The following GRIN2A variants were observed in gnomAD, a reference collection of about 807,000 sequenced individuals.
The protein encoded by GRIN2A is glutamate receptor ionotropic, NMDA 2A.
Under a neutral mutation model 113.4 loss-of-function variants are expected in GRIN2A, and 22 were observed. The ratio of observed to expected loss-of-function variants is 0.19; its 90% confidence interval spans 0.14 to 0.28. The LOEUF (loss-of-function observed/expected upper bound fraction) is 0.28, where lower values mean the gene tolerates loss of function less well. Ranked by LOEUF, GRIN2A falls within the 10% of genes least tolerant of loss-of-function variation. The pLI is 1.00. For synonymous variants in GRIN2A, 827 were observed against 738.4 expected, an observed-to-expected ratio of 1.12 and a Z score of -1.94; for missense variants, 1,502 against 1,887.0, an observed-to-expected ratio of 0.80 and a Z score of 3.78.
intron 11 of GRIN2A, among the ~76,000 whole-genome samples, chr16:9,788,811 C>T (rs1210799206): frequency 2.0e-5 from 3 of 149,328 alleles, no homozygotes; most frequent in African/African-American, 4.9e-5. Context: ...GGCGCGAACT[C>T]GACTCACTGC....
chr16:9,971,408 T>C (rs2045666909), intron 2 of GRIN2A, among the ~76,000 whole-genome samples: 1 of 152,232 alleles, frequency 6.6e-6, no homozygotes, highest in Non-Finnish European at 1.5e-5. Context: ...AGCCATGTCA[T>C]GAGCCATCTC....
chr16:9,795,217 G>A (rs1161045110), intron 11 of GRIN2A, among the ~76,000 whole-genome samples: 1 of 152,136 alleles, frequency 6.6e-6, no homozygotes, highest in African/African-American at 2.4e-5. Context: ...AGATCATAAA[G>A]ACCATGCTGA....
chr16:9,773,674 C>T (rs1901423409), intron 11 of GRIN2A, among the ~76,000 whole-genome samples: 1 of 152,200 alleles, frequency 6.6e-6, no homozygotes, highest in Non-Finnish European at 1.5e-5. Context: ...GTTTCCACCT[C>T]CTCCAGTGAC....
At chr16:9,850,598 A>G in intron 4 of GRIN2A, among the ~76,000 whole-genome samples, 1 of 152,164 alleles carries the variant, frequency 6.6e-6, no homozygotes, top group East Asian at 1.9e-4. Context: ...AGTGAAAAGA[A>G]GAGGAGTGGG....
At chr16:9,966,524 T>C (rs766762077) in intron 2 of GRIN2A, among the ~76,000 whole-genome samples, 1 of 152,220 alleles carries the variant, frequency 6.6e-6, no homozygotes, top group Non-Finnish European at 1.5e-5. Flanking sequence ...CTATCACTGA[T>C]GGGCAAATAT....
At chr16:9,930,072 G>C (rs2044553850) in intron 3 of GRIN2A, among the ~76,000 whole-genome samples, 1 of 152,138 alleles carries the variant, frequency 6.6e-6, no homozygotes, top group Non-Finnish European at 1.5e-5. Context: ...CTGTGTTCCA[G>C]GAGAGATGCC....
intron 2 of GRIN2A, among the ~76,000 whole-genome samples, chr16:10,075,987 C>G (rs1055116777): frequency 6.6e-6 from 1 of 152,186 alleles, no homozygotes; most frequent in Non-Finnish European, 1.5e-5. Context: ...ATCCAAACCA[C>G]TCCCTTTTTC....
intron 2 of GRIN2A, among the ~76,000 whole-genome samples, chr16:10,068,274 C>T (rs945049280): frequency 1.3e-5 from 2 of 152,190 alleles, no homozygotes; most frequent in African/African-American, 4.8e-5. Context: ...TCTTGCATTG[C>T]TATAAAGAAA....
intron 11 of GRIN2A, among the ~76,000 whole-genome samples, chr16:9,772,873 C>T (rs907025442): frequency 1.6e-5 from 2 of 123,684 alleles, no homozygotes; most frequent in Non-Finnish European, 1.6e-5. Context: ...TTTGCCCAAA[C>T]AATACCTCTT....
chr16:10,137,326 G>A (rs2142240636), intron 2 of GRIN2A, among the ~76,000 whole-genome samples: 1 of 152,322 alleles, frequency 6.6e-6, no homozygotes, highest in Non-Finnish European at 1.5e-5. Context: ...TTGCTTAAAT[G>A]AGGAGGCTGG....
chr16:9,974,016 G>A (rs2045727273), intron 2 of GRIN2A, among the ~76,000 whole-genome samples: 1 of 152,144 alleles, frequency 6.6e-6, no homozygotes, highest in Non-Finnish European at 1.5e-5. Context: ...ATCTGGATAA[G>A]CATAAAAGAC....
intron 2 of GRIN2A, among the ~76,000 whole-genome samples, chr16:10,061,985 G>A (rs865816514): frequency 6.6e-6 from 1 of 152,100 alleles, no homozygotes; most frequent in South Asian, 2.1e-4. Flanking sequence ...GTACTAAAAG[G>A]GATTTTTGAA....
chr16:9,917,477 A>G (rs1021986430), intron 3 of GRIN2A, among the ~76,000 whole-genome samples: 9 of 152,208 alleles, frequency 5.9e-5, no homozygotes, highest in East Asian at 3.9e-4. Flanking sequence ...CTAAGCCTCA[A>G]TGTTCTTACA....
intron 3 of GRIN2A, among the ~76,000 whole-genome samples, chr16:9,894,453 AC>A (rs2043762636): frequency 6.6e-6 from 1 of 152,008 alleles, no homozygotes; most frequent in South Asian, 2.1e-4. Context: ...GACAATTGAA[AC>A]TTTTTTTTCT....
chr16:9,938,696 A>G, intron 2 of GRIN2A, 145 bp from the exon 3 acceptor site: 1 of 687,264 alleles, frequency 1.5e-6, no homozygotes, highest in Middle Eastern at 3.7e-4. Flanking sequence ...CCCAGACTCC[A>G]GAACAGATCC....
chr16:10,138,420 C>A (rs114255297), intron 2 of GRIN2A, among the ~76,000 whole-genome samples: 6,675 of 152,108 alleles, frequency 0.044, 265 homozygotes, highest in African/African-American at 0.11. Flanking sequence ...GAAGAGGAAG[C>A]GAGGAACATC....
chr16:9,807,172 G>A (rs997697410), intron 10 of GRIN2A, among the ~76,000 whole-genome samples: 21 of 141,250 alleles, frequency 1.5e-4, no homozygotes, highest in African/African-American at 4.6e-4. Flanking sequence ...TTTATCAGCA[G>A]TGTGAAAATG....
intron 2 of GRIN2A, among the ~76,000 whole-genome samples, chr16:9,941,753 G>A (rs983936781): frequency 6.6e-5 from 10 of 152,148 alleles, no homozygotes; most frequent in African/African-American, 9.7e-5. Flanking sequence ...AATGATCATA[G>A]TAAACATGCT....
At chr16:10,010,592 T>C (rs751230367) in intron 2 of GRIN2A, among the ~76,000 whole-genome samples, 1 of 152,172 alleles carries the variant, frequency 6.6e-6, no homozygotes, top group South Asian at 2.1e-4. Context: ...TCATAGTACT[T>C]TATAGGTACT....
Sources: allele counts gnomAD v4.1 joint callset (sites outside exome capture counted in the v4.1 genomes callset), GRCh38; gene constraint gnomAD v4.1.1; transcripts MANE v1.5; gene names NCBI Gene and HGNC (gene_info 2026-07-23, HGNC 2026-07-21).